METTL25: variants seen among roughly 807,000 people sequenced by gnomAD.
METTL25 encodes methyltransferase like 25.
In METTL25, 64 loss-of-function variants were observed where a neutral mutation model predicts 71.6. That is an observed-to-expected ratio of 0.89 (90% CI 0.73 to 1.10). The LOEUF (loss-of-function observed/expected upper bound fraction) is 1.10. Ranked by LOEUF, METTL25 falls within the 50% of genes least tolerant of loss-of-function variation. The probability of loss-of-function intolerance (pLI) is 0.00; values close to 1 mark genes in which losing one functional copy is unlikely to be tolerated. For missense variants in METTL25, 807 were observed against 707.0 expected (o/e 1.14, Z -1.60); for synonymous variants, 287 against 250.3 (o/e 1.15, Z -1.38).
chr12:82,402,834 G>C, intron 4 of METTL25, 149 bp from the exon 5 acceptor site: 1 of 528,374 alleles, frequency 1.9e-6, no homozygotes, highest in Non-Finnish European at 3.2e-6. Context: ...AGTAATTTGA[G>C]TCAGTAGCAC....
intron 4 of METTL25, among the ~76,000 whole-genome samples, chr12:82,400,363 G>A (rs537072930): frequency 4.0e-5 from 6 of 151,484 alleles, no homozygotes; most frequent in African/African-American, 1.2e-4. Flanking sequence ...AAAAAGAAAT[G>A]TATAAATAAA....
intron 8 of METTL25, among the ~76,000 whole-genome samples, chr12:82,442,750 C>T (rs1280823752): frequency 6.6e-6 from 1 of 151,992 alleles, no homozygotes; most frequent in African/African-American, 2.4e-5. Context: ...TTTCCTACAA[C>T]TGTATGTGAT....
At chr12:82,406,123 A>G (rs1175622313) in intron 5 of METTL25, among the ~76,000 whole-genome samples, 1 of 152,182 alleles carries the variant, frequency 6.6e-6, no homozygotes, top group East Asian at 1.9e-4. Flanking sequence ...GTTCAGTTCA[A>G]CATCATCAGT....
intron 8 of METTL25, among the ~76,000 whole-genome samples, chr12:82,446,554 A>G (rs1014196087): frequency 1.3e-5 from 2 of 151,878 alleles, no homozygotes; most frequent in African/African-American, 4.8e-5. Context: ...ATTAAACAAC[A>G]TGACCCTGAA....
At chr12:82,396,320 G>T (rs1027943127) in intron 3 of METTL25, among the ~76,000 whole-genome samples, 5 of 151,986 alleles carry the variant, frequency 3.3e-5, no homozygotes. Context: ...GAAGTATAGG[G>T]AATAATTACT....
chr12:82,451,904 G>GA (rs1428006421), intron 8 of METTL25, among the ~76,000 whole-genome samples: 1 of 151,848 alleles, frequency 6.6e-6, no homozygotes, highest in Non-Finnish European at 1.5e-5. Context: ...TTTATCTTAG[G>GA]AACACAGTGT....
rs73151493 is a variant in METTL25, at chr12:82,415,895, C to T, written c.1279+12765C>T. Among the ~76,000 whole-genome samples the T allele has an allele frequency of 2.3e-3, 349 of 152,230 alleles. 2 individuals carry two copies. The highest frequency in any genetic ancestry group is 3.6e-3 in the Non-Finnish European group (244 of 67,996). On this transcript the variant is annotated intron_variant, in intron 5 of 11. Transcript: ENST00000248306. ...AGTCAAGTTGACACATGAAATTAAC[C>T]GTCACACTTGGCGTGGCCCAGTAGG... is the stretch of plus-strand genomic sequence containing the variant.
At chr12:82,367,441 A>G (rs965323199) in intron 1 of METTL25, among the ~76,000 whole-genome samples, 4 of 152,180 alleles carry the variant, frequency 2.6e-5, no homozygotes, top group African/African-American at 9.7e-5. Flanking sequence ...TCATCACCTC[A>G]GTGGTTTAAG....
At chr12:82,369,456 A>G (rs1276200837) in intron 1 of METTL25, 1 of 451,140 alleles carries the variant, frequency 2.2e-6, no homozygotes, top group Admixed American at 2.4e-5. Flanking sequence ...CAGCTCTTAA[A>G]GATGGTGTGT....
intron 1 of METTL25, among the ~76,000 whole-genome samples, chr12:82,365,114 TAA>T (rs1882413798): frequency 6.6e-6 from 1 of 152,194 alleles, no homozygotes; most frequent in African/African-American, 2.4e-5. Flanking sequence ...ATAGATCTAA[TAA>T]AGAGTCTTAT....
chr12:82,362,767 A>G (rs1483461106), intron 1 of METTL25, among the ~76,000 whole-genome samples: 1 of 152,242 alleles, frequency 6.6e-6, no homozygotes, highest in Non-Finnish European at 1.5e-5. Flanking sequence ...AGAAACAGGA[A>G]TACAATATAA....
At position 82,358,737 on chromosome 12, in the gene METTL25, G is replaced by C. The variant is rs755655200; in HGVS notation, c.172G>C (p.Val58Leu). The part of the protein sequence containing the change: ...EELVDLPPET[V>L]LAALRKSASE... ...GCTGGTCGACTTGCCACCGGAGACA[G>C]TGCTGGCTGCGCTGAGGAAGTCAGC... Residue 58 changes from valine to leucine, a missense_variant, in exon 1 of 12, where the codon GTG becomes CTG. Transcript: ENST00000248306. 6.8e-6 allele frequency: 11 copies of C among 1,614,024 alleles called. No individual in the cohort carries two copies. The highest frequency in any genetic ancestry group is 4.5e-5 in the East Asian group (2 of 44,902).
intron 8 of METTL25, among the ~76,000 whole-genome samples, chr12:82,451,617 T>A (rs1350566273): frequency 2.0e-5 from 3 of 152,194 alleles, no homozygotes; most frequent in Admixed American, 6.5e-5. Flanking sequence ...TTCTCCGAAC[T>A]GTGTATAGAC....
chr12:82,468,928 T>C (rs1032361412), intron 9 of METTL25: 1 of 152,126 alleles, frequency 6.6e-6, no homozygotes, highest in Non-Finnish European at 1.5e-5. Context: ...CCAGTAGTTA[T>C]TTCACCTTCT....
intron 5 of METTL25, among the ~76,000 whole-genome samples, chr12:82,423,136 A>G (rs1419671318): frequency 2.0e-5 from 3 of 152,162 alleles, no homozygotes; most frequent in Non-Finnish European, 4.4e-5. Flanking sequence ...ACCTGACTTC[A>G]AACTATACTA....
intron 9 of METTL25, 63 bp from the exon 10 acceptor site, chr12:82,476,581 T>A: frequency 9.3e-7 from 1 of 1,073,332 alleles, no homozygotes; most frequent in South Asian, 1.3e-5. Flanking sequence ...CTTTAGGATA[T>A]GTTTGACAAG....
chr12:82,462,364 C>G (rs1891940000), intron 9 of METTL25, among the ~76,000 whole-genome samples: 1 of 152,146 alleles, frequency 6.6e-6, no homozygotes, highest in Non-Finnish European at 1.5e-5. Context: ...TTCCCCACTT[C>G]ACCCTACCCT....
intron 1 of METTL25, 106 bp from the exon 2 acceptor site, chr12:82,386,696 AT>A: frequency 1.1e-6 from 1 of 883,584 alleles, no homozygotes; most frequent in South Asian, 1.8e-5. Flanking sequence ...CAAAATGAAA[AT>A]ATTGGCATTT....
intron 5 of METTL25, among the ~76,000 whole-genome samples, chr12:82,403,554 AG>A: frequency 6.6e-6 from 1 of 152,348 alleles, no homozygotes; most frequent in Admixed American, 6.5e-5. Flanking sequence ...TATTTAAAAA[AG>A]AAAAAGTTCT....
Sources: allele counts gnomAD v4.1 joint callset (sites outside exome capture counted in the v4.1 genomes callset), GRCh38; gene constraint gnomAD v4.1.1; transcripts MANE v1.5; gene names NCBI Gene and HGNC (gene_info 2026-07-23, HGNC 2026-07-21).